ABCA9: variants seen among roughly 807,000 people sequenced by gnomAD.
The protein encoded by ABCA9 is ATP binding cassette subfamily A member 9.
ABCA9 carries 183 observed loss-of-function variants against 205.3 expected under a neutral mutation model. The ratio of observed to expected loss-of-function variants is 0.89; its 90% confidence interval spans 0.79 to 1.01. The LOEUF (loss-of-function observed/expected upper bound fraction) is 1.01. Among genes scored for constraint, ABCA9 ranks in the 50% least tolerant of loss-of-function variants. The pLI, the probability that ABCA9 is intolerant of heterozygous loss-of-function variation, is 0.00. For synonymous variants in ABCA9, 651 were observed against 683.3 expected (o/e 0.95, Z 0.74); for missense variants, 1,805 against 1,912.4 (o/e 0.94, Z 1.05).
In ABCA9 at chr17:69,017,731, C is replaced by T. The variant is rs750242067; in HGVS notation, c.2826G>A (p.Val942=). 2.5e-6 allele frequency: 4 copies of T among 1,613,326 alleles called. No individual in the cohort carries two copies. The Admixed American group carries it at 5.0e-5, about 20-fold the overall frequency. The change falls in exon 21 of 39, where the codon GTG becomes GTA. Residue 942 remains valine, a synonymous_variant. Coordinates refer to ENST00000340001, the MANE Select transcript of ABCA9 (RefSeq NM_080283.4). ...TGCCATTTCTAGTTCCAAAGGCATC[C>T]ACTTCTATAGCTATGTTCTGTCGCC... The part of the protein sequence containing the change: ...SLRRQNIAIE[V]DAFGTRNGTD...
chr17:69,027,094 C>A lies in ABCA9; in HGVS notation c.1932G>T (p.Pro644=). 6.2e-7 allele frequency: 1 copy of A among 1,614,038 alleles called. No homozygotes were observed. The highest frequency in any genetic ancestry group is 8.5e-7 in the Non-Finnish European group (1 of 1,179,986). ...GDPQVLLLDE[P]TAGLDPLSRH... Reference sequence around the variant, plus strand: ...TTGAAAGAGGATCCAATCCAGCAGTCGGTTCATCCAATAGCAAAACCTGGA... The same window carrying A: ...TTGAAAGAGGATCCAATCCAGCAGTAGGTTCATCCAATAGCAAAACCTGGA... The change falls in exon 15 of 39, where the codon CCG becomes CCT. Residue 644 remains proline (P), a synonymous_variant. Transcript: ENST00000340001.
At chr17:68,999,424 A>G (rs1202624254) in intron 25 of ABCA9, among the ~76,000 whole-genome samples, 1 of 141,854 alleles carries the variant, frequency 7.0e-6, no homozygotes, top group African/African-American at 2.7e-5. Flanking sequence ...ATGGTTTCCA[A>G]TTTCATCCAT....
chr17:69,038,649 A>C (rs926618112), intron 6 of ABCA9, among the ~76,000 whole-genome samples: 2 of 152,180 alleles, frequency 1.3e-5, no homozygotes, highest in Admixed American at 1.3e-4. Context: ...CTCTTTGAAA[A>C]CCAGCACAAG....
chr17:68,988,786 A>G (rs908248881), intron 31 of ABCA9, among the ~76,000 whole-genome samples: 4 of 152,236 alleles, frequency 2.6e-5, no homozygotes, highest in African/African-American at 9.6e-5. Context: ...GACTTTAAGG[A>G]AGATATATTT....
At position 69,008,224 on chromosome 17, in the gene ABCA9, A is replaced by G. The variant is rs1451284853; in HGVS notation, c.3159T>C (p.His1053=). 2 of 1,612,532 alleles carry G rather than the reference A, an allele frequency of 1.2e-6. No homozygotes were observed. Among genetic ancestry groups the G allele is most frequent in the Non-Finnish European group, 1.7e-6 (2 of 1,179,642 alleles). ...SSIGDYKKKA[H]SQLRISGLYP... is the part of the protein sequence containing the mutation. ...AGAGGCCTGAAATCCGTAGCTGGGAATGAGCTTTTTTCTGATAAAGAAATA... is the reference window on the plus strand; with the variant it reads ...AGAGGCCTGAAATCCGTAGCTGGGAGTGAGCTTTTTTCTGATAAAGAAATA... The change falls in exon 24 of 39, where the codon CAT becomes CAC. Residue 1053 remains histidine, a synonymous_variant. Transcript: ENST00000340001.
chr17:68,996,847 T>C lies in ABCA9; in HGVS notation c.3436-833A>G, dbSNP rs1011639917. 4.6e-5 allele frequency among the ~76,000 whole-genome samples: 7 copies of C among 152,362 alleles called. No homozygotes were observed. The East Asian group carries it at 5.8e-4, about 13-fold the overall frequency. On this transcript the variant is annotated intron_variant, in intron 25 of 38. Coordinates refer to ENST00000340001, the MANE Select transcript of ABCA9 (RefSeq NM_080283.4). ...AACTATATGGTCTTTACTTGACTTA[T>C]ATAGTTTTCTTCCTTTAGCTGCTAA...
At chr17:69,026,554 T>C in intron 15 of ABCA9, 87 bp from the exon 16 acceptor site, 1 of 1,210,982 alleles carries the variant, frequency 8.3e-7, no homozygotes, top group Non-Finnish European at 1.2e-6. Flanking sequence ...CAATGTATTG[T>C]AGCAGCATGA....
Position 68,982,793 on chromosome 17 carries a change from CTA to C in ABCA9, c.4641-154_4641-153del, listed in dbSNP as rs1378032487. 6.7e-6 allele frequency: 4 copies of C among 593,002 alleles called. No homozygotes were observed. The African/African-American group carries it at 7.4e-5, about 11-fold the overall frequency. 36.7% of individuals were successfully genotyped at this position (593,002 alleles called of 1,614,324 possible). ...GCCAAGAAGGGAAGATTGCTTGAGC[CTA>C]TGAGTTTGAGACCAGTCTGGGAAAC... is the stretch of plus-strand genomic sequence containing the variant. On this transcript the variant is annotated intron_variant, in intron 36 of 38. Transcript: ENST00000340001.
chr17:69,034,963 G>A (rs987324768), intron 8 of ABCA9: 1 of 242,120 alleles, frequency 4.1e-6, no homozygotes, highest in African/African-American at 2.2e-5. Flanking sequence ...ATAACATTAA[G>A]GGTCATGTTT....
Position 68,985,674 on chromosome 17 carries a change from C to T in ABCA9, c.4208+490G>A, listed in dbSNP as rs191531695. Among the ~76,000 whole-genome samples the T allele has an allele frequency of 1.5e-3, 227 of 151,958 alleles. 2 individuals are homozygous for T. Among genetic ancestry groups the T allele is most frequent in the African/African-American group, 5.2e-3 (215 of 41,466 alleles). ...TAATCAGTCTGGGTGCAGTGGCTCA[C>T]ACCTGTAATCCCAGGTGGCTCACAC... On this transcript the variant is annotated intron_variant, in intron 32 of 38. Coordinates refer to ENST00000340001, the MANE Select transcript of ABCA9 (RefSeq NM_080283.4).
intron 22 of ABCA9, chr17:69,012,317 C>G: frequency 2.3e-6 from 1 of 439,138 alleles, no homozygotes; most frequent in Non-Finnish European, 4.1e-6. Flanking sequence ...CCAAGTGATA[C>G]GAATTGTCTA....
chr17:69,045,591 C>G (rs1382941530), intron 3 of ABCA9, among the ~76,000 whole-genome samples: 1 of 152,002 alleles, frequency 6.6e-6, no homozygotes, highest in Non-Finnish European at 1.5e-5. Context: ...TCATTCTGTT[C>G]TTACATTGCT....
At chr17:69,052,044 A>C (rs149561055) in intron 1 of ABCA9, among the ~76,000 whole-genome samples, 1 of 152,294 alleles carries the variant, frequency 6.6e-6, no homozygotes, top group Non-Finnish European at 1.5e-5. Context: ...AGATTGATTA[A>C]CTTTTACCCG....
In ABCA9 at chr17:69,012,054, T is replaced by A. The variant is rs142786909; in HGVS notation, c.3069A>T (p.Arg1023=). The A allele has an allele frequency of 2.8e-4, 449 of 1,613,026 alleles. 1 individual carries two copies. The highest frequency in any genetic ancestry group is 3.3e-4 in the Non-Finnish European group (387 of 1,179,492). The stretch of plus-strand genomic sequence containing the variant: ...TCGGTATCCAGAAGAAGGTGTTACT[T>A]CGGTACCCATACTCATAATCCATAT... The part of the protein sequence containing the change: ...EEHMDYEYGY[R]SNTFFWIPMA... The change falls in exon 23 of 39, where the codon CGA becomes CGT. Residue 1023 remains arginine (R), a synonymous_variant. Transcript: ENST00000340001.
At position 69,025,184 on chromosome 17, in the gene ABCA9, G is replaced by C. The variant is rs146575715; in HGVS notation, c.2142-831C>G. ...AAGATGTGAGGGAGAAGGAAGTTGA[G>C]TTAACTCAGTTGAGCACTTTGCAGC... On this transcript the variant is annotated intron_variant, in intron 16 of 38. Transcript: ENST00000340001. Among the ~76,000 whole-genome samples, 19 of 152,260 alleles carry C rather than the reference G, an allele frequency of 1.2e-4. No homozygotes were observed. The East Asian group carries it at 3.7e-3, about 29-fold the overall frequency.
intron 18 of ABCA9, chr17:69,020,851 A>T (rs1022973117): frequency 3.0e-6 from 1 of 328,622 alleles, no homozygotes; most frequent in African/African-American, 2.2e-5. Context: ...ATTCTAAGGA[A>T]ATCAATGAAA....
At chr17:69,048,790 G>A (rs1202024004) in intron 3 of ABCA9, among the ~76,000 whole-genome samples, 1 of 152,076 alleles carries the variant, frequency 6.6e-6, no homozygotes, top group Non-Finnish European at 1.5e-5. Context: ...ATACCTTATT[G>A]TTTCTCTTTG....
chr17:68,978,534 C>T (rs1056334883), intron 37 of ABCA9, among the ~76,000 whole-genome samples: 21 of 152,086 alleles, frequency 1.4e-4, no homozygotes, highest in African/African-American at 4.3e-4. Flanking sequence ...GTTATTTTCT[C>T]GTTAGTTGAT....
At chr17:69,005,639 G>T (rs929358924) in intron 25 of ABCA9, among the ~76,000 whole-genome samples, 5 of 152,102 alleles carry the variant, frequency 3.3e-5, no homozygotes, top group Admixed American at 1.3e-4. Context: ...TTTCCACTTC[G>T]GTTTTCTTTG....
Sources: gnomAD v4.1 joint callset for allele counts (sites outside exome capture counted in the v4.1 genomes callset) on GRCh38, gnomAD v4.1.1 for gene constraint, MANE v1.5 for transcripts, NCBI Gene and HGNC (gene_info 2026-07-23, HGNC 2026-07-21) for gene names.